CDH18: variants seen among roughly 807,000 people sequenced by gnomAD.
CDH18 encodes cadherin-18.
Under a neutral mutation model 67.9 loss-of-function variants are expected in CDH18, and 31 were observed. The observed-to-expected ratio is 0.46, with a 90% CI of 0.34 to 0.62. The LOEUF is 0.62. Among genes scored for constraint, CDH18 ranks in the 20% least tolerant of loss-of-function variants. The pLI, the probability that CDH18 is intolerant of heterozygous loss-of-function variation, is 0.01. For missense variants in CDH18, 890 were observed against 975.5 expected (o/e 0.91, Z 1.17); for synonymous variants, 362 against 347.2 (o/e 1.04, Z -0.48).
intron 1 of CDH18, among the ~76,000 whole-genome samples, chr5:20,298,193 CTT>C (rs1434689839): frequency 5.9e-5 from 9 of 152,074 alleles, no homozygotes; most frequent in Non-Finnish European, 1.3e-4. Context: ...CTATCTATCT[CTT>C]TTGTAAAATT....
intron 3 of CDH18, among the ~76,000 whole-genome samples, chr5:19,824,070 A>T (rs994038344): frequency 2.2e-4 from 33 of 152,350 alleles, no homozygotes; most frequent in Middle Eastern, 3.4e-3. Flanking sequence ...GAATCCCAAA[A>T]CTAACAGAAG....
intron 2 of CDH18, among the ~76,000 whole-genome samples, chr5:20,002,931 CAG>C (rs1322362759): frequency 1.6e-5 from 2 of 122,364 alleles, no homozygotes; most frequent in Admixed American, 1.7e-4. Context: ...GTATGTGAAA[CAG>C]AGAAAAAGTC....
chr5:19,978,351 T>C (rs910648204), intron 2 of CDH18, among the ~76,000 whole-genome samples: 1 of 152,154 alleles, frequency 6.6e-6, no homozygotes, highest in African/African-American at 2.4e-5. Context: ...CAATTTAATT[T>C]TGAGCAATAT....
chr5:20,139,342 A>T (rs1161641598), intron 2 of CDH18, among the ~76,000 whole-genome samples: 1 of 152,172 alleles, frequency 6.6e-6, no homozygotes, highest in African/African-American at 2.4e-5. Flanking sequence ...CTTAAATGTT[A>T]GACCTAAAAC....
At position 19,787,449 on chromosome 5, in the gene CDH18, CA is replaced by C. The variant is rs755878928; in HGVS notation, c.229-40214del. The stretch of plus-strand genomic sequence containing the variant: ...CCTGGGCAACAGAGCGAGACTGTTT[CA>C]AAAAAAAAAAAATTGTTTAATGTAT... On this transcript the variant is annotated intron_variant, in intron 3 of 12. Transcript: ENST00000382275. Among the ~76,000 whole-genome samples, 553 of 135,782 alleles carry C rather than the reference CA, an allele frequency of 4.1e-3. 4 individuals carry two copies. Among genetic ancestry groups the C allele is most frequent in the Middle Eastern group, 0.023 (6 of 262 alleles). The allele number at this position is 135,782 out of a possible 152,430, so 89.1% of individuals were successfully genotyped here. A position where few individuals can be genotyped will look rare whatever the true frequency, so the allele number is the denominator to read the frequency against.
chr5:19,662,958 T>A lies in CDH18; in HGVS notation c.644-50357A>T, dbSNP rs962037995. Among the ~76,000 whole-genome samples the A allele has an allele frequency of 2.0e-5, 3 of 151,966 alleles. No homozygotes were observed. The South Asian group carries it at 6.2e-4, about 31-fold the overall frequency. On this transcript the variant is annotated intron_variant, in intron 5 of 12. Coordinates refer to ENST00000382275, the MANE Select transcript of CDH18 (RefSeq NM_004934.5). The stretch of plus-strand genomic sequence containing the variant: ...TGACTGAATAAATTGGTTAGAAAAG[T>A]TTAGGAGAATAAATATGCCCGCTTA...
intron 3 of CDH18, among the ~76,000 whole-genome samples, chr5:19,782,097 C>T (rs1417435638): frequency 6.6e-6 from 1 of 152,052 alleles, no homozygotes; most frequent in Non-Finnish European, 1.5e-5. Context: ...TTTATTTTCA[C>T]ACTTTTATAT....
chr5:20,546,037 A>G (rs1193792651), intron 1 of CDH18, among the ~76,000 whole-genome samples: 1 of 152,076 alleles, frequency 6.6e-6, no homozygotes, highest in Non-Finnish European at 1.5e-5. Context: ...ACACTACATC[A>G]TCTCTCTTAA....
intron 2 of CDH18, among the ~76,000 whole-genome samples, chr5:19,935,566 T>C (rs1794154454): frequency 6.6e-6 from 1 of 151,324 alleles, no homozygotes; most frequent in Non-Finnish European, 1.5e-5. Context: ...ATAGCCTAGG[T>C]GTGTAGTAGA....
chr5:20,381,557 C>A (rs73058725), intron 1 of CDH18, among the ~76,000 whole-genome samples: 1 of 152,008 alleles, frequency 6.6e-6, no homozygotes, highest in South Asian at 2.1e-4. Flanking sequence ...CTTCCTACCC[C>A]CTAAAACAAG....
chr5:19,878,277 T>TA (rs1234756325), intron 2 of CDH18, among the ~76,000 whole-genome samples: 1 of 152,126 alleles, frequency 6.6e-6, no homozygotes, highest in Non-Finnish European at 1.5e-5. Context: ...TTATAAAACT[T>TA]ACATGCTTAA....
intron 2 of CDH18, among the ~76,000 whole-genome samples, chr5:19,953,544 A>G (rs1795994394): frequency 6.6e-6 from 1 of 152,078 alleles, no homozygotes; most frequent in African/African-American, 2.4e-5. Flanking sequence ...AGTAAAAAAT[A>G]AAATGATTAG....
At chr5:20,430,646 A>C (rs755816513) in intron 1 of CDH18, among the ~76,000 whole-genome samples, 1 of 152,120 alleles carries the variant, frequency 6.6e-6, no homozygotes. Context: ...AATAAATAAT[A>C]TTTGTTTTTA....
chr5:20,094,067 A>G (rs930444708), intron 2 of CDH18, among the ~76,000 whole-genome samples: 3 of 152,162 alleles, frequency 2.0e-5, no homozygotes, highest in African/African-American at 7.2e-5. Flanking sequence ...GTCCTAGGAA[A>G]TATCCCATGC....
intron 3 of CDH18, among the ~76,000 whole-genome samples, chr5:19,777,953 T>C (rs182734250): frequency 3.2e-4 from 49 of 152,236 alleles, no homozygotes; most frequent in Middle Eastern, 3.4e-3. Context: ...AAGAGAATAA[T>C]ATGAATAGCT....
Position 19,473,524 on chromosome 5 carries a change from C to A in CDH18, c.2075G>T (p.Arg692Ile), listed in dbSNP as rs1490818237. Residue 692 changes from arginine (R) to isoleucine (I), a missense_variant, in exon 13 of 13, where the codon AGA becomes ATA. Around this residue, in one of 2 missense-constraint regions of CDH18, gnomAD observed 656 missense variants for 668.1 expected, o/e 0.98. Coordinates refer to ENST00000382275, the MANE Select transcript of CDH18 (RefSeq NM_004934.5). ...TCTGGGAGTGAGCTTCACTTCAGGT[C>A]TGATATCCCTCCGGTACTTGAGCTC... ...AEELKYRRDIRPEVKLTPRHQ... is the reference protein window; with the variant it reads ...AEELKYRRDIIPEVKLTPRHQ... 6 of 1,613,812 alleles carry A rather than the reference C, an allele frequency of 3.7e-6. No homozygotes were observed. In the South Asian group the frequency reaches 6.6e-5, roughly 18 times the overall value.
Position 19,496,048 on chromosome 5 carries a change from A to G in CDH18, c.1630+6944T>C, listed in dbSNP as rs567943990. On this transcript the variant is annotated intron_variant, in intron 11 of 12. Coordinates refer to ENST00000382275, the MANE Select transcript of CDH18 (RefSeq NM_004934.5). Reference sequence around the variant, plus strand: ...AATTTAGATTGAAAGTTAAATTGGAAGTTTAACAGAATGCTAAACCTCTAA... The same window carrying G: ...AATTTAGATTGAAAGTTAAATTGGAGGTTTAACAGAATGCTAAACCTCTAA... Among the ~76,000 whole-genome samples, 121 of 152,316 alleles carry G rather than the reference A, an allele frequency of 7.9e-4. 3 individuals carry two copies. The South Asian group carries it at 0.023, about 29-fold the overall frequency.
chr5:20,270,468 A>G (rs1471946722), intron 1 of CDH18, among the ~76,000 whole-genome samples: 1 of 152,186 alleles, frequency 6.6e-6, no homozygotes, highest in African/African-American at 2.4e-5. Context: ...CTATTATTAA[A>G]AAGTCAAAAA....
chr5:19,524,636 C>A (rs191088654), intron 9 of CDH18, among the ~76,000 whole-genome samples: 149 of 152,154 alleles, frequency 9.8e-4, no homozygotes, highest in African/African-American at 3.4e-3. Flanking sequence ...CCTGTATCTC[C>A]CAATTTTAAG....
Sources: allele counts gnomAD v4.1 joint callset (sites outside exome capture counted in the v4.1 genomes callset), GRCh38; gene constraint gnomAD v4.1.1; regional missense constraint gnomAD v4.1.1; transcripts MANE v1.5; gene names NCBI Gene and HGNC (gene_info 2026-07-23, HGNC 2026-07-21).